The following TNIK variants were observed in gnomAD, a reference collection of about 807,000 sequenced individuals.
TNIK encodes the protein TRAF2 and NCK interacting kinase, also known as TRAF2 and NCK-interacting protein kinase.
TNIK carries 49 observed loss-of-function variants against 191.3 expected under a neutral mutation model. The ratio of observed to expected loss-of-function variants is 0.26; its 90% CI spans 0.20 to 0.32. The LOEUF is 0.32. Among genes scored for constraint, TNIK ranks in the 10% least tolerant of loss-of-function variants. The pLI is 1.00. For synonymous variants in TNIK, 594 were observed against 600.9 expected (o/e 0.99, Z 0.17); for missense variants, 1,155 against 1,702.3 (o/e 0.68, Z 5.66).
intron 30 of TNIK, 66 bp downstream of exon 30, chr3:171,068,782 C>A: frequency 6.7e-7 from 1 of 1,483,562 alleles, no homozygotes; most frequent in Non-Finnish European, 9.0e-7. Flanking sequence ...CTATGCAAAA[C>A]AAATCTCTTT....
intron 2 of TNIK, among the ~76,000 whole-genome samples, chr3:171,232,341 GAAAA>G (rs538492715): frequency 7.5e-6 from 1 of 133,422 alleles, no homozygotes; most frequent in Non-Finnish European, 1.6e-5. Flanking sequence ...ATGTATGAAT[GAAAA>G]AAAAAAACCA....
intron 1 of TNIK, among the ~76,000 whole-genome samples, chr3:171,447,542 G>A (rs1324619233): frequency 6.6e-6 from 1 of 152,218 alleles, no homozygotes; most frequent in Admixed American, 6.5e-5. Context: ...GTCACTATTG[G>A]CAGTGGCTTT....
At chr3:171,173,832 C>T (rs528565842) in intron 9 of TNIK, among the ~76,000 whole-genome samples, 7 of 152,116 alleles carry the variant, frequency 4.6e-5, no homozygotes, top group African/African-American at 1.4e-4. Context: ...AAGCAGGAAC[C>T]TAGCAGAGGG....
intron 3 of TNIK, among the ~76,000 whole-genome samples, chr3:171,214,810 T>C (rs1024436836): frequency 2.0e-5 from 3 of 152,308 alleles, no homozygotes; most frequent in African/African-American, 7.2e-5. Flanking sequence ...TAAATAGGAA[T>C]AAGAATACCT....
chr3:171,281,164 A>C (rs768987171), intron 2 of TNIK, among the ~76,000 whole-genome samples: 4 of 150,314 alleles, frequency 2.7e-5, no homozygotes, highest in Non-Finnish European at 5.9e-5. Flanking sequence ...GATAGAAGTT[A>C]CTTTCTATTT....
intron 1 of TNIK, among the ~76,000 whole-genome samples, chr3:171,373,194 T>A (rs1441062680): frequency 6.6e-6 from 1 of 152,204 alleles, no homozygotes; most frequent in Non-Finnish European, 1.5e-5. Flanking sequence ...AAGGTCACCA[T>A]GAACCTCAAT....
intron 5 of TNIK, among the ~76,000 whole-genome samples, chr3:171,194,185 A>G (rs987125215): frequency 6.6e-6 from 1 of 152,196 alleles, no homozygotes; most frequent in African/African-American, 2.4e-5. Flanking sequence ...AAAATAATTC[A>G]TTTCCTAAGT....
intron 2 of TNIK, among the ~76,000 whole-genome samples, chr3:171,322,438 C>G (rs1260619815): frequency 6.6e-6 from 1 of 152,050 alleles, no homozygotes; most frequent in East Asian, 1.9e-4. Context: ...CACAGGTAAC[C>G]ACTGTTAACA....
chr3:171,094,041 T>C, intron 22 of TNIK, 73 bp from the exon 23 acceptor site: 2 of 1,536,338 alleles, frequency 1.3e-6, no homozygotes, highest in South Asian at 2.6e-5. Flanking sequence ...ATATTCATTA[T>C]TTTTGTTATG....
chr3:171,395,732 C>T (rs747248162), intron 1 of TNIK, among the ~76,000 whole-genome samples: 3 of 152,094 alleles, frequency 2.0e-5, no homozygotes, highest in Admixed American at 6.6e-5. Flanking sequence ...GTGACATATG[C>T]GTGCAGTTCA....
chr3:171,126,436 A>G (rs973812544), intron 16 of TNIK, among the ~76,000 whole-genome samples: 1 of 152,238 alleles, frequency 6.6e-6, no homozygotes, highest in Admixed American at 6.5e-5. Flanking sequence ...GTGAATATTT[A>G]TTGACCAGCA....
intron 22 of TNIK, among the ~76,000 whole-genome samples, chr3:171,099,236 TAAAGAGCACAC>T (rs1470505274): frequency 6.6e-6 from 1 of 152,126 alleles, no homozygotes; most frequent in East Asian, 1.9e-4. Flanking sequence ...TGGCTACATA[TAAAGAGCACAC>T]TTCTTGGTCT....
chr3:171,306,813 T>C (rs953588807), intron 2 of TNIK, among the ~76,000 whole-genome samples: 19 of 151,914 alleles, frequency 1.3e-4, no homozygotes, highest in African/African-American at 4.6e-4. Flanking sequence ...CAGCAATGAT[T>C]CCCAGCGATT....
chr3:171,154,000 C>T (rs1252736124), intron 12 of TNIK, among the ~76,000 whole-genome samples: 1 of 152,128 alleles, frequency 6.6e-6, no homozygotes, highest in African/African-American at 2.4e-5. Flanking sequence ...AACATGGTGC[C>T]CACACAACAG....
intron 2 of TNIK, among the ~76,000 whole-genome samples, chr3:171,231,068 A>T (rs1743562976): frequency 6.6e-6 from 1 of 152,194 alleles, no homozygotes; most frequent in Non-Finnish European, 1.5e-5. Flanking sequence ...ATCCTCTTTG[A>T]GTGAATAATT....
At chr3:171,108,909 C>T (rs1026308742) in intron 19 of TNIK, among the ~76,000 whole-genome samples, 1 of 152,044 alleles carries the variant, frequency 6.6e-6, no homozygotes, top group Non-Finnish European at 1.5e-5. Flanking sequence ...TATGAGCTTA[C>T]AGATAGAGAA....
chr3:171,072,346 TA>T (rs978692189), intron 28 of TNIK, among the ~76,000 whole-genome samples: 1 of 152,150 alleles, frequency 6.6e-6, no homozygotes, highest in African/African-American at 2.4e-5. Context: ...TTTCATGACA[TA>T]AAGTGTTTAT....
chr3:171,291,142 C>T (rs1347851138), intron 2 of TNIK, among the ~76,000 whole-genome samples: 1 of 152,108 alleles, frequency 6.6e-6, no homozygotes, highest in Non-Finnish European at 1.5e-5. Flanking sequence ...CCATATATTC[C>T]ATTAACACAT....
In TNIK at chr3:171,228,229, GA is replaced by G. The variant is rs144013038; in HGVS notation, c.124-9del. The G allele has an allele frequency of 6.2e-7, 1 of 1,613,170 alleles. No homozygotes were observed. The highest frequency in any genetic ancestry group is 8.5e-7 in the Non-Finnish European group (1 of 1,179,426). On this transcript the variant is annotated splice_polypyrimidine_tract_variant and intron_variant, in intron 2 of 32. Coordinates refer to ENST00000436636, the MANE Select transcript of TNIK (RefSeq NM_015028.4). ...CGTTTTGACATGACGACCCTGTGAA[GA>G]AAAAATAATAACAAAAGATTTAGTT...
Sources: gnomAD v4.1 joint callset for allele counts (sites outside exome capture counted in the v4.1 genomes callset) on GRCh38, gnomAD v4.1.1 for gene constraint, MANE v1.5 for transcripts, NCBI Gene and HGNC (gene_info 2026-07-23, HGNC 2026-07-21) for gene names.